PCDHA2: variants seen among roughly 807,000 people sequenced by gnomAD.
PCDHA2 encodes protocadherin alpha 2.
In PCDHA2, 58 loss-of-function variants were observed where a neutral mutation model predicts 66.0. That is an observed-to-expected ratio of 0.88 (90% confidence interval 0.71 to 1.09). The LOEUF is 1.09. PCDHA2 is among the 50% of genes least tolerant of loss of function. PCDHA2 has a pLI of 0.00. For missense variants in PCDHA2, 1,267 were observed against 1,242.3 expected (o/e 1.02, Z -0.30); for synonymous variants, 634 against 554.0 (o/e 1.14, Z -2.03).
Position 140,795,697 on chromosome 5 carries a change from T to C in PCDHA2, c.733T>C (p.Ser245Pro). The C allele has an allele frequency of 1.2e-6, 2 of 1,614,142 alleles. No individual in the cohort carries two copies. Among genetic ancestry groups the C allele is most frequent in the Non-Finnish European group, 1.7e-6 (2 of 1,180,012 alleles). The change falls in exon 1 of 4, where the codon TCA (serine) becomes CCA (proline). Residue 245 changes from serine to proline, a missense_variant. Physicochemically the swap from Ser to Pro is moderately conservative, Grantham distance 74. Transcript: ENST00000526136. ...TGACAATGAACCAACTTTTGCCCAA[T>C]CAGTTTACAAAGTAAAATTGTTAGA... ...VNDNEPTFAQ[S>P]VYKVKLLENT...
intron 1 of PCDHA2, chr5:140,843,142 T>G (rs1778605767): frequency 6.3e-7 from 1 of 1,595,790 alleles, no homozygotes; most frequent in East Asian, 2.2e-5. Context: ...ACGCGTGGCT[T>G]TCGTATGAGC....
At chr5:140,871,055 A>T (rs782721683) in intron 1 of PCDHA2, 9 of 1,613,326 alleles carry the variant, frequency 5.6e-6, no homozygotes, top group African/African-American at 2.7e-5. Context: ...GTACTGGTGA[A>T]GGATCACGGT....
chr5:140,875,891 T>C (rs781902632), intron 1 of PCDHA2: 3 of 1,614,008 alleles, frequency 1.9e-6, no homozygotes, highest in Non-Finnish European at 2.5e-6. Context: ...GAACAAAAGG[T>C]ACCTGTTTCT....
intron 1 of PCDHA2, chr5:140,966,338 A>C (rs2095992774): frequency 2.5e-6 from 1 of 394,586 alleles, no homozygotes; most frequent in Non-Finnish European, 4.5e-6. Flanking sequence ...CGGCAGGTCC[A>C]GGGTGAAGGA....
chr5:140,884,737 T>C (rs1554181872), intron 1 of PCDHA2: 1 of 1,443,634 alleles, frequency 6.9e-7, no homozygotes, highest in Non-Finnish European at 9.1e-7. Context: ...AAGACATCTT[T>C]CCTGCCAATT....
At chr5:140,912,613 T>C in intron 1 of PCDHA2, among the ~76,000 whole-genome samples, 1 of 152,290 alleles carries the variant, frequency 6.6e-6, no homozygotes, top group Middle Eastern at 3.4e-3. Flanking sequence ...TCTTGTCTGA[T>C]TACTCTGGAT....
intron 1 of PCDHA2, chr5:140,928,071 C>CTACTACAGCCTGCTG: frequency 6.2e-7 from 1 of 1,614,220 alleles, no homozygotes; most frequent in South Asian, 1.1e-5. Context: ...CCTTTGACAA[C>CTACTACAGCCTGCTG]TACTACAGCC....
In PCDHA2 at chr5:140,869,658, T is replaced by C. The variant is rs370211026; in HGVS notation, c.2388+72306T>C. 1.2e-5 allele frequency: 19 copies of C among 1,613,432 alleles called. No homozygotes were observed. The African/African-American group carries it at 2.1e-4, about 18-fold the overall frequency. ...ATTTTTCTTTAGATTCACCAACAAATGGTAAGCAGATTAAAAGACTGTCAC... is the reference window on the plus strand; with the variant it reads ...ATTTTTCTTTAGATTCACCAACAAACGGTAAGCAGATTAAAAGACTGTCAC... On this transcript the variant is annotated intron_variant, in intron 1 of 3. Coordinates refer to ENST00000526136, the MANE Select transcript of PCDHA2 (RefSeq NM_018905.3).
intron 1 of PCDHA2, chr5:140,802,637 G>A (rs782147146): frequency 1.1e-5 from 18 of 1,613,676 alleles, no homozygotes; most frequent in African/African-American, 6.7e-5. Flanking sequence ...TGTCTGCGCG[G>A]GACGCGGACG....
At chr5:140,951,543 CG>C (rs1201907714) in intron 1 of PCDHA2, among the ~76,000 whole-genome samples, 2 of 151,550 alleles carry the variant, frequency 1.3e-5, no homozygotes, top group Admixed American at 1.3e-4. Flanking sequence ...GAGCAAGGGA[CG>C]GGGGGAAGTG....
At chr5:140,965,039 C>G (rs1237802301) in intron 1 of PCDHA2, among the ~76,000 whole-genome samples, 6 of 152,236 alleles carry the variant, frequency 3.9e-5, no homozygotes, top group African/African-American at 1.2e-4. Context: ...ACTGTCCGCT[C>G]TAGGAGGGAA....
intron 3 of PCDHA2, among the ~76,000 whole-genome samples, chr5:140,985,631 T>C (rs551279134): frequency 1.2e-4 from 18 of 152,250 alleles, no homozygotes; most frequent in Admixed American, 1.2e-3. Flanking sequence ...GTATTGCTCT[T>C]CTCATCCCAA....
intron 3 of PCDHA2, among the ~76,000 whole-genome samples, chr5:140,995,404 A>G (rs941348184): frequency 1.3e-5 from 2 of 152,184 alleles, no homozygotes; most frequent in Admixed American, 6.5e-5. Flanking sequence ...ATGGCTCGAG[A>G]TTTCATCACA....
intron 1 of PCDHA2, among the ~76,000 whole-genome samples, chr5:140,971,291 C>T (rs541777110): frequency 1.1e-4 from 17 of 152,164 alleles, no homozygotes; most frequent in Admixed American, 3.3e-4. Flanking sequence ...TTAATATGTA[C>T]TTTGGTACAC....
At chr5:140,975,899 G>A (rs2096688066) in intron 1 of PCDHA2, among the ~76,000 whole-genome samples, 1 of 152,084 alleles carries the variant, frequency 6.6e-6, no homozygotes, top group African/African-American at 2.4e-5. Context: ...ATGGAGTTTT[G>A]TGACCATTAT....
At chr5:141,000,421 ATTT>A (rs34755515) in intron 3 of PCDHA2, among the ~76,000 whole-genome samples, 361 of 27,888 alleles carry the variant, frequency 0.013, no homozygotes, top group East Asian at 0.018. Context: ...ATATATATAT[ATTT>A]TTTTTTTTTT....
intron 1 of PCDHA2, chr5:140,825,657 G>A (rs2150140571): frequency 6.6e-6 from 1 of 152,030 alleles, no homozygotes; most frequent in East Asian, 1.9e-4. Context: ...CCTAATCTCA[G>A]GTGATTTACC....
chr5:140,836,927 T>A, intron 1 of PCDHA2: 1 of 510,864 alleles, frequency 2.0e-6, no homozygotes, highest in Non-Finnish European at 3.3e-6. Context: ...TTGGGATGCG[T>A]AATACTATAG....
chr5:140,871,393 C>T (rs782354799), intron 1 of PCDHA2: 1 of 1,614,130 alleles, frequency 6.2e-7, no homozygotes, highest in Non-Finnish European at 8.5e-7. Context: ...GGAGGGCCCA[C>T]CTAAGACGGA....
Sources: gnomAD v4.1 joint callset for allele counts (sites outside exome capture counted in the v4.1 genomes callset) on GRCh38, gnomAD v4.1.1 for gene constraint, MANE v1.5 for transcripts, NCBI Gene and HGNC (gene_info 2026-07-23, HGNC 2026-07-21) for gene names.